Variants in DPYD observed in about 807,000 individuals in gnomAD.
DPYD encodes the protein dihydropyrimidine dehydrogenase [NADP(+)].
A neutral mutation model predicts 116.2 loss-of-function variants in DPYD; 109 were observed. The observed-to-expected ratio is 0.94, with a 90% confidence interval of 0.80 to 1.10. The LOEUF (loss-of-function observed/expected upper bound fraction) is 1.10, where lower values mean the gene tolerates loss of function less well. Ranked by LOEUF, DPYD falls within the 50% of genes least tolerant of loss-of-function variation. The pLI, the probability that DPYD is intolerant of heterozygous loss-of-function variation, is 0.00. For synonymous variants in DPYD, 440 were observed against 432.0 expected, an observed-to-expected ratio of 1.02 and a Z score of -0.23; for missense variants, 1,302 against 1,254.5, an observed-to-expected ratio of 1.04 and a Z score of -0.57.
chr1:97,703,270 A>G (rs892650794), intron 5 of DPYD, among the ~76,000 whole-genome samples: 28 of 152,132 alleles, frequency 1.8e-4, no homozygotes, highest in African/African-American at 6.7e-4. Flanking sequence ...CAGATGGTAT[A>G]TTTTTAGAAG....
intron 13 of DPYD, among the ~76,000 whole-genome samples, chr1:97,511,281 A>C (rs1647777124): frequency 6.6e-6 from 1 of 152,008 alleles, no homozygotes; most frequent in South Asian, 2.1e-4. Flanking sequence ...ATTTACAAAA[A>C]CATTTAGTCT....
chr1:97,542,911 ACT>A (rs1473665010), intron 12 of DPYD, among the ~76,000 whole-genome samples: 1 of 151,902 alleles, frequency 6.6e-6, no homozygotes, highest in Non-Finnish European at 1.5e-5. Context: ...ATCTGTTAAG[ACT>A]CTATACATCA....
chr1:97,518,765 T>C (rs1648419864), intron 12 of DPYD, among the ~76,000 whole-genome samples: 1 of 152,108 alleles, frequency 6.6e-6, no homozygotes, highest in African/African-American at 2.4e-5. Flanking sequence ...GGGGATAGGT[T>C]CCATAATGGC....
Position 97,207,580 on chromosome 1 carries a change from A to G in DPYD, c.2443-14332T>C, listed in dbSNP as rs116741081. Among the ~76,000 whole-genome samples the G allele has an allele frequency of 8.1e-3, 1,230 of 152,266 alleles. 19 individuals are homozygous for G. Among genetic ancestry groups the G allele is most frequent in the African/African-American group, 0.028 (1,153 of 41,562 alleles). On this transcript the variant is annotated intron_variant, in intron 19 of 22. Coordinates refer to ENST00000370192, the MANE Select transcript of DPYD (RefSeq NM_000110.4). ...GTCCCCTTTAACACTAACTGAAGGA[A>G]TGTATAATTAAGAACCCTATAAAAG...
intron 13 of DPYD, among the ~76,000 whole-genome samples, chr1:97,495,531 TTTATTA>T (rs1322684647): frequency 6.6e-6 from 1 of 152,080 alleles, no homozygotes; most frequent in African/African-American, 2.4e-5. Context: ...TATTGTTGAT[TTTATTA>T]TTATTGATTA....
At chr1:97,173,929 G>A (rs1043974439) in intron 20 of DPYD, among the ~76,000 whole-genome samples, 1 of 150,560 alleles carries the variant, frequency 6.6e-6, no homozygotes, top group African/African-American at 2.4e-5. Flanking sequence ...CAATACTAAT[G>A]CCCTACAAAA....
At chr1:97,782,479 T>C (rs1666805057) in intron 3 of DPYD, among the ~76,000 whole-genome samples, 1 of 152,190 alleles carries the variant, frequency 6.6e-6, no homozygotes, top group Non-Finnish European at 1.5e-5. Flanking sequence ...CCCATCACAG[T>C]GAGCTCTTCC....
chr1:97,357,508 C>A (rs1670486162), intron 16 of DPYD, among the ~76,000 whole-genome samples: 1 of 151,980 alleles, frequency 6.6e-6, no homozygotes, highest in Non-Finnish European at 1.5e-5. Context: ...AAGGCTCTTG[C>A]TTGATTGGTC....
At chr1:97,500,373 T>C (rs1679504322) in intron 13 of DPYD, among the ~76,000 whole-genome samples, 1 of 152,054 alleles carries the variant, frequency 6.6e-6, no homozygotes, top group African/African-American at 2.4e-5. Context: ...TAAAATATCA[T>C]CCAAACTTAT....
At chr1:97,320,038 C>T (rs1180172230) in intron 16 of DPYD, among the ~76,000 whole-genome samples, 2,379 of 97,814 alleles carry the variant, frequency 0.024, no homozygotes, top group Middle Eastern at 0.036. Flanking sequence ...AACAATGCTT[C>T]ATGCTAAAAA....
At chr1:97,313,217 G>A (rs895373001) in intron 16 of DPYD, among the ~76,000 whole-genome samples, 2 of 151,858 alleles carry the variant, frequency 1.3e-5, no homozygotes, top group Non-Finnish European at 2.9e-5. Context: ...TGAATTGATA[G>A]AGCCTACACC....
At chr1:97,628,860 T>C (rs569142501) in intron 8 of DPYD, among the ~76,000 whole-genome samples, 4 of 152,032 alleles carry the variant, frequency 2.6e-5, no homozygotes, top group Admixed American at 2.6e-4. Context: ...TTATAGCCTA[T>C]GTACTATCTG....
intron 10 of DPYD, among the ~76,000 whole-genome samples, chr1:97,580,260 A>G (rs902302214): frequency 1.3e-5 from 2 of 152,236 alleles, no homozygotes; most frequent in Admixed American, 6.5e-5. Context: ...GTTACCCTCT[A>G]ATACTAATTG....
chr1:97,815,962 T>G (rs1003500621), intron 3 of DPYD, among the ~76,000 whole-genome samples: 1 of 152,194 alleles, frequency 6.6e-6, no homozygotes, highest in Non-Finnish European at 1.5e-5. Flanking sequence ...TTAGGGTTTA[T>G]TCCCAGTTCA....
rs551473782 is a variant in DPYD, at chr1:97,636,126, C to A, written c.851-40960G>T. Among the ~76,000 whole-genome samples the A allele has an allele frequency of 1.7e-4, 26 of 152,008 alleles. No homozygotes were observed. The East Asian group carries it at 3.7e-3, about 22-fold the overall frequency. ...ATGAGCCACTGCACCCAGCCATAGTCCCTCATAATTTCTATTAAAAAAAAA... is the reference window on the plus strand; with the variant it reads ...ATGAGCCACTGCACCCAGCCATAGTACCTCATAATTTCTATTAAAAAAAAA... On this transcript the variant is annotated intron_variant, in intron 8 of 22. Transcript: ENST00000370192.
intron 2 of DPYD, among the ~76,000 whole-genome samples, chr1:97,838,881 A>C (rs1669910417): frequency 6.6e-6 from 1 of 152,274 alleles, no homozygotes; most frequent in South Asian, 2.1e-4. Flanking sequence ...AAAATAAAAG[A>C]ACTTGAGTAT....
intron 19 of DPYD, among the ~76,000 whole-genome samples, chr1:97,200,645 A>G (rs1659135733): frequency 6.6e-6 from 1 of 152,208 alleles, no homozygotes; most frequent in Admixed American, 6.5e-5. Flanking sequence ...ATAGCACTTT[A>G]TAGTTTTCAA....
intron 1 of DPYD, among the ~76,000 whole-genome samples, chr1:97,888,733 G>C (rs1456874455): frequency 1.3e-5 from 2 of 151,526 alleles, no homozygotes; most frequent in Non-Finnish European, 2.9e-5. Flanking sequence ...GACATACAAA[G>C]TATTAAAAGA....
intron 12 of DPYD, among the ~76,000 whole-genome samples, chr1:97,524,517 T>C (rs955092664): frequency 6.6e-6 from 1 of 152,138 alleles, no homozygotes; most frequent in African/African-American, 2.4e-5. Context: ...AAAAGGCCTA[T>C]TCAAAAATCA....
Sources: allele counts gnomAD v4.1 joint callset (sites outside exome capture counted in the v4.1 genomes callset), GRCh38; gene constraint gnomAD v4.1.1; transcripts MANE v1.5; gene names NCBI Gene and HGNC (gene_info 2026-07-23, HGNC 2026-07-21).